ROBO2: variants seen among roughly 807,000 people sequenced by gnomAD.
ROBO2 encodes the protein roundabout guidance receptor 2, also known as roundabout homolog 2.
ROBO2 carries 53 observed loss-of-function variants against 160.8 expected under a neutral mutation model. The ratio of observed to expected loss-of-function variants is 0.33; its 90% CI spans 0.26 to 0.41. The LOEUF (loss-of-function observed/expected upper bound fraction) is 0.41, where lower values mean the gene tolerates loss of function less well. Ranked by LOEUF, ROBO2 falls within the 10% of genes least tolerant of loss-of-function variation. ROBO2 has a pLI of 1.00. For synonymous variants in ROBO2, 664 were observed against 611.7 expected (o/e 1.09, Z -1.26); for missense variants, 1,577 against 1,722.4 (o/e 0.92, Z 1.49).
At chr3:75,915,453 G>A (rs1236294575) in intron 1 of ROBO2, among the ~76,000 whole-genome samples, 1 of 152,060 alleles carries the variant, frequency 6.6e-6, no homozygotes, top group Non-Finnish European at 1.5e-5. Flanking sequence ...AAGATAGGCT[G>A]GAATGAAGAG....
chr3:76,423,952 G>A (rs933868699), intron 2 of ROBO2, among the ~76,000 whole-genome samples: 2 of 152,174 alleles, frequency 1.3e-5, no homozygotes, highest in African/African-American at 2.4e-5. Context: ...CCACTTTGGT[G>A]TGATGAAGAC....
chr3:76,840,619 A>AT (rs2068141996), intron 2 of ROBO2, among the ~76,000 whole-genome samples: 1 of 134,034 alleles, frequency 7.5e-6, no homozygotes, highest in East Asian at 2.1e-4. Context: ...CAAAAAAAAA[A>AT]ATTATATATA....
At chr3:75,961,255 C>A (rs868066211) in intron 2 of ROBO2, among the ~76,000 whole-genome samples, 1 of 151,504 alleles carries the variant, frequency 6.6e-6, no homozygotes, top group Non-Finnish European at 1.5e-5. Context: ...AGTAGTAATT[C>A]AAGCTAGAAC....
At position 76,851,595 on chromosome 3, in the gene ROBO2, C is replaced by T. The variant is rs904498811; in HGVS notation, c.110-246419C>T. Among the ~76,000 whole-genome samples the T allele has an allele frequency of 5.3e-4, 79 of 149,918 alleles. 2 individuals are homozygous for T. The highest frequency in any genetic ancestry group is 1.9e-3 in the Admixed American group (29 of 15,128). ...CTAAAAATACAAAAAATTAGCCGGGCGCGGTGGCGGGCGCCTGTAGTCCCA... is the reference window on the plus strand; with the variant it reads ...CTAAAAATACAAAAAATTAGCCGGGTGCGGTGGCGGGCGCCTGTAGTCCCA... On this transcript the variant is annotated intron_variant, in intron 2 of 26. Coordinates refer to the ROBO2 transcript ENST00000487694.
At chr3:76,378,671 A>G (rs2076469944) in intron 2 of ROBO2, among the ~76,000 whole-genome samples, 1 of 152,202 alleles carries the variant, frequency 6.6e-6, no homozygotes, top group African/African-American at 2.4e-5. Context: ...CAGGGAGCAA[A>G]GCCTTCAATT....
At chr3:77,483,138 C>A (rs1022609497) in intron 4 of ROBO2, among the ~76,000 whole-genome samples, 1 of 152,010 alleles carries the variant, frequency 6.6e-6, no homozygotes, top group Non-Finnish European at 1.5e-5. Flanking sequence ...ATTTAGGAAA[C>A]GGAGAATGTT....
At chr3:77,438,719 T>C (rs9879509) in intron 2 of ROBO2, among the ~76,000 whole-genome samples, 22,941 of 151,962 alleles carry the variant, frequency 0.15, 2,249 homozygotes, top group African/African-American at 0.27. Context: ...CATTCTTGGC[T>C]CACCAGCTCT....
At chr3:76,443,069 A>G (rs2077001732) in intron 2 of ROBO2, among the ~76,000 whole-genome samples, 1 of 151,856 alleles carries the variant, frequency 6.6e-6, no homozygotes, top group Non-Finnish European at 1.5e-5. Flanking sequence ...GGAAGCTTCC[A>G]CTCATGATGG....
chr3:77,410,564 T>C (rs1235960706), intron 2 of ROBO2, among the ~76,000 whole-genome samples: 26 of 83,900 alleles, frequency 3.1e-4, no homozygotes, highest in South Asian at 9.8e-4. Flanking sequence ...CTTCCTCCTC[T>C]TCTTCCTCCT....
chr3:76,378,559 C>T lies in ROBO2; in HGVS notation c.109+440957C>T, dbSNP rs115495839. Among the ~76,000 whole-genome samples the T allele has an allele frequency of 9.2e-3, 1,402 of 152,282 alleles. 15 individuals carry two copies. Among genetic ancestry groups the T allele is most frequent in the Non-Finnish European group, 0.012 (839 of 68,006 alleles). On this transcript the variant is annotated intron_variant, in intron 2 of 26. Transcript: ENST00000487694. ...GAATAGGATATAGCAGCACACTTCA[C>T]GTGCTCAGGCTTTGGTAGGATGCAC...
At chr3:76,197,241 T>C (rs1378184917) in intron 2 of ROBO2, among the ~76,000 whole-genome samples, 1 of 148,880 alleles carries the variant, frequency 6.7e-6, no homozygotes, top group Non-Finnish European at 1.5e-5. Flanking sequence ...TGGGGAGTGA[T>C]AATCCACTGA....
chr3:77,178,450 A>G (rs1051222255), intron 2 of ROBO2, among the ~76,000 whole-genome samples: 3 of 152,058 alleles, frequency 2.0e-5, no homozygotes, highest in Admixed American at 6.6e-5. Context: ...CTCAACAGCA[A>G]TGATCTCAAA....
At chr3:76,280,353 A>C (rs935366912) in intron 2 of ROBO2, among the ~76,000 whole-genome samples, 3 of 152,026 alleles carry the variant, frequency 2.0e-5, no homozygotes, top group Non-Finnish European at 4.4e-5. Flanking sequence ...TGAATTCATA[A>C]GGGCAAAGCA....
intron 16 of ROBO2, among the ~76,000 whole-genome samples, chr3:77,581,735 ATT>A (rs2093923892): frequency 6.6e-6 from 1 of 151,942 alleles, no homozygotes; most frequent in Non-Finnish European, 1.5e-5. Context: ...AAGTATTTGC[ATT>A]TCTCTGTTTT....
rs1014153151 is a variant in ROBO2, at chr3:76,317,021, T to C, written c.109+379419T>C. ...CCTGCATGCTTAAAATTATATTTCA[T>C]CTTCTAAAGGATTATGACACTTTAC... On this transcript the variant is annotated intron_variant, in intron 2 of 26. Transcript: ENST00000487694. Among the ~76,000 whole-genome samples the C allele has an allele frequency of 2.6e-5, 4 of 152,212 alleles. No individual in the cohort carries two copies. In the East Asian group the frequency reaches 7.7e-4, roughly 29 times the overall value.
At chr3:76,619,873 A>T (rs555002779) in intron 2 of ROBO2, among the ~76,000 whole-genome samples, 8 of 152,308 alleles carry the variant, frequency 5.3e-5, no homozygotes, top group African/African-American at 1.9e-4. Context: ...CTGATTTGGA[A>T]GAAAGTCTTA....
At chr3:76,283,775 C>T (rs913096600) in intron 2 of ROBO2, among the ~76,000 whole-genome samples, 9 of 151,940 alleles carry the variant, frequency 5.9e-5, no homozygotes, top group South Asian at 2.1e-4. Flanking sequence ...CCATCGAGCC[C>T]GTGTTTGGGG....
intron 2 of ROBO2, among the ~76,000 whole-genome samples, chr3:75,942,812 T>A (rs1948116180): frequency 6.6e-6 from 1 of 152,166 alleles, no homozygotes; most frequent in East Asian, 1.9e-4. Flanking sequence ...TTTGATTTCC[T>A]TGTCTTCAAA....
intron 2 of ROBO2, among the ~76,000 whole-genome samples, chr3:77,404,123 T>A (rs977597473): frequency 6.6e-6 from 1 of 152,142 alleles, no homozygotes; most frequent in Non-Finnish European, 1.5e-5. Context: ...TCTCTATATA[T>A]AATAACTCAT....
Sources: gnomAD v4.1 joint callset for allele counts (sites outside exome capture counted in the v4.1 genomes callset) on GRCh38, gnomAD v4.1.1 for gene constraint, MANE v1.5 for transcripts, NCBI Gene and HGNC (gene_info 2026-07-23, HGNC 2026-07-21) for gene names.